PHF23: variants seen among roughly 807,000 people sequenced by gnomAD.
PHF23 encodes PDH-containing protein JUNE-1.
A neutral mutation model predicts 36.0 loss-of-function variants in PHF23; 3 were observed. That is an observed-to-expected ratio of 0.08 (90% confidence interval 0.04 to 0.22). The LOEUF is 0.22. PHF23 is among the 10% of genes least tolerant of loss of function. The pLI is 1.00. For missense variants in PHF23, 475 were observed against 513.6 expected, an observed-to-expected ratio of 0.92 and a Z score of 0.73; for synonymous variants, 242 against 192.5, an observed-to-expected ratio of 1.26 and a Z score of -2.13.
chr17:7,236,472 GT>G lies in PHF23; in HGVS notation c.454del (p.Thr152HisfsTer3). 1 of 1,613,924 alleles carries G rather than the reference GT, an allele frequency of 6.2e-7. No individual in the cohort carries two copies. Among genetic ancestry groups the G allele is most frequent in the Non-Finnish European group, 8.5e-7 (1 of 1,179,976 alleles). ...GPKVASPLSP[T>X]SLTHTSRPPA... ...GGGCCGGGAGGTATGTGTCAGGGAT[GT>G]GGGGGACAAAGGAGATGCCACTTTG... On this transcript the variant is annotated frameshift_variant, in exon 4 of 5. Transcript: ENST00000320316. LOFTEE classifies it high-confidence loss of function. The surrounding 1 kb of genome is among the most constrained non-coding windows in gnomAD (Gnocchi z 5.1).
At position 7,235,510 on chromosome 17, in the gene PHF23, A is replaced by G; in HGVS notation, c.*116T>C. ...CATTTTCAAACAAGTCTCCCTTGAG[A>G]ATTCCTGCCTTGAAGTGCAGACAGT... is the stretch of plus-strand genomic sequence containing the variant. On this transcript the variant is annotated 3_prime_UTR_variant, in exon 5 of 5. Transcript: ENST00000320316. The G allele has an allele frequency of 9.5e-7, 1 of 1,047,880 alleles. No individual in the cohort carries two copies. Among genetic ancestry groups the G allele is most frequent in the Non-Finnish European group, 1.4e-6 (1 of 703,404 alleles). The allele number at this position is 1,047,880 out of a possible 1,614,324, so 64.9% of individuals were successfully genotyped here. A position where few individuals can be genotyped will look rare whatever the true frequency, so the allele number is the denominator to read the frequency against.
At chr17:7,239,058 C>G in intron 1 of PHF23, 188 bp downstream of exon 1, 2 of 1,279,066 alleles carry the variant, frequency 1.6e-6, no homozygotes, top group Non-Finnish European at 2.1e-6. Context: ...TCCAACTACC[C>G]CAGCCCAGTT....
chr17:7,235,377 C>CA lies in PHF23; in HGVS notation c.*248dup. On this transcript the variant is annotated 3_prime_UTR_variant, in exon 5 of 5. Coordinates refer to ENST00000320316, the MANE Select transcript of PHF23 (RefSeq NM_024297.3). ...AAGTGATGGTGGCAGGTCCAAGAGA[C>CA]AGAGATTATGTGTCGGGACACAGAC... 5.7e-6 allele frequency: 3 copies of CA among 528,008 alleles called. No homozygotes were observed. The highest frequency in any genetic ancestry group is 6.7e-5 in the East Asian group (2 of 29,670). 32.7% of individuals were successfully genotyped at this position (528,008 alleles called of 1,614,324 possible). A position where few individuals can be genotyped will look rare whatever the true frequency, so the allele number is the denominator to read the frequency against.
rs1567580138 is a variant in PHF23, at chr17:7,235,839, A to G, written c.999T>C (p.Gly333=). ...VMDEDIMVES[G]DDSWDLITCY... ...ATGTGATCAGATCCCATGAGTCATC[A>G]CCTGGGGAAAAAAAGGTTTGTTTGG... The change falls in exon 5 of 5, where the codon GGT becomes GGC. Residue 333 remains glycine (G), a splice_region_variant and synonymous_variant. Coordinates refer to ENST00000320316, the MANE Select transcript of PHF23 (RefSeq NM_024297.3). 1 of 1,613,808 alleles carries G rather than the reference A, an allele frequency of 6.2e-7. No homozygotes were observed. Among genetic ancestry groups the G allele is most frequent in the Admixed American group, 1.7e-5 (1 of 60,018 alleles).
rs914461407 is a variant in PHF23 at position 7,237,884 on chromosome 17, C to A, written c.35-224G>T. The A allele has an allele frequency of 2.6e-5, 15 of 574,320 alleles. No homozygotes were observed. The African/African-American group carries it at 2.6e-4, about 10-fold the overall frequency. 35.6% of individuals were successfully genotyped at this position (574,320 alleles called of 1,614,324 possible). On this transcript the variant is annotated intron_variant, in intron 1 of 4. Coordinates refer to ENST00000320316, the MANE Select transcript of PHF23 (RefSeq NM_024297.3). ...GAGGCCTCGCTATAGCGCTCCCCTT[C>A]CCCCAACCGGAGGCCCGGCGCCCCG...
upstream of PHF23, chr17:7,240,499 A>G: frequency 1.1e-5 from 2 of 186,266 alleles, no homozygotes; most frequent in Non-Finnish European, 2.3e-5. Flanking sequence ...TACCCCCAAA[A>G]AAGAAGGTAG....
Position 7,239,308 on chromosome 17 carries a change from C to A in PHF23, c.-29G>T, listed in dbSNP as rs113580903. ...CCCCTCCCCTCCTCCCGGTCCGGCG[C>A]CCCCCTCCCCGGAGCCGGGGATCCC... is the stretch of plus-strand genomic sequence containing the variant. On this transcript the variant is annotated 5_prime_UTR_variant, in exon 1 of 5. Transcript: ENST00000320316. The A allele has an allele frequency of 8.0e-7, 1 of 1,247,748 alleles. No individual in the cohort carries two copies. Among genetic ancestry groups the A allele is most frequent in the South Asian group, 1.3e-5 (1 of 79,018 alleles). The allele number at this position is 1,247,748 out of a possible 1,614,324, so 77.3% of individuals were successfully genotyped here. A position where few individuals can be genotyped will look rare whatever the true frequency, so the allele number is the denominator to read the frequency against.
intron 1 of PHF23, chr17:7,238,634 C>T: frequency 5.8e-6 from 2 of 345,146 alleles, no homozygotes; most frequent in Non-Finnish European, 6.8e-6. Flanking sequence ...AGTCGCCGGT[C>T]TTAACCCCCC....
At chr17:7,239,520 C>CTCCTCT, upstream of PHF23, 1 of 408,604 alleles carries the variant, frequency 2.4e-6, no homozygotes, top group Non-Finnish European at 4.5e-6. Flanking sequence ...CCTCCTCCAC[C>CTCCTCT]TCCTCTCTCC....
rs2071747115 is a variant in PHF23, at chr17:7,239,348, T to C, written c.-69A>G. On this transcript the variant is annotated 5_prime_UTR_variant, in exon 1 of 5. Transcript: ENST00000320316. The stretch of plus-strand genomic sequence containing the variant: ...CCGGGGATCCCGGTGCCGCCTCTAG[T>C]GCTCGATGCTCCCACTGCTTCGCTC... The C allele has an allele frequency of 1.3e-6, 1 of 760,238 alleles. No homozygotes were observed. 47.1% of individuals were successfully genotyped at this position (760,238 alleles called of 1,614,324 possible).
At position 7,237,586 on chromosome 17, in the gene PHF23, G is replaced by A. The variant is rs2071695068; in HGVS notation, c.66+43C>T. 1.9e-6 allele frequency: 3 copies of A among 1,612,972 alleles called. No individual in the cohort carries two copies. In the East Asian group the frequency reaches 6.7e-5, roughly 36 times the overall value. ...CTAGAAAAGGGGGGCGGGGGGCGTT[G>A]TCAGGCAGGGCTACTAGGCTGCAAA... On this transcript the variant is annotated intron_variant, in intron 2 of 4. Transcript: ENST00000320316.
chr17:7,237,948 C>T, intron 1 of PHF23: 1 of 446,322 alleles, frequency 2.2e-6, no homozygotes, highest in Non-Finnish European at 4.1e-6. Context: ...CCAGTCTACT[C>T]GGATCCCTCA....
rs1298392639 is a variant in PHF23, at chr17:7,236,784, G to C, written c.160-17C>G. 1 of 1,596,158 alleles carries C rather than the reference G, an allele frequency of 6.3e-7. No individual in the cohort carries two copies. ...GTCACTTTCCTTAAAAGGGGGAAGAGACCAGGGTCAGCAGAACCCCAGTGT... is the reference window on the plus strand; with the variant it reads ...GTCACTTTCCTTAAAAGGGGGAAGACACCAGGGTCAGCAGAACCCCAGTGT... On this transcript the variant is annotated splice_polypyrimidine_tract_variant and intron_variant, in intron 3 of 4. Coordinates refer to ENST00000320316, the MANE Select transcript of PHF23 (RefSeq NM_024297.3). The surrounding 1 kb of genome is among the most constrained non-coding windows in gnomAD (Gnocchi z 5.1).
Position 7,235,551 on chromosome 17 carries a change from G to C in PHF23, c.*75C>G, listed in dbSNP as rs1307662632. 7 of 1,463,570 alleles carry C rather than the reference G, an allele frequency of 4.8e-6. No homozygotes were observed. The highest frequency in any genetic ancestry group is 6.6e-6 in the Non-Finnish European group (7 of 1,058,398). The allele number at this position is 1,463,570 out of a possible 1,614,324, so 90.7% of individuals were successfully genotyped here. A position where few individuals can be genotyped will look rare whatever the true frequency, so the allele number is the denominator to read the frequency against. On this transcript the variant is annotated 3_prime_UTR_variant, in exon 5 of 5. Transcript: ENST00000320316. ...TGCAGACAGTATCCAAGCTCCAGGG[G>C]ATAGGCTGAGGACCCTGAGGCTCAG...
Position 7,236,442 on chromosome 17 carries a change from G to A in PHF23, c.485C>T (p.Ala162Val), listed in dbSNP as rs759271103. ...GGAAAGGGGCACGGGGGTAAGAGCA[G>A]CAGGGGGCCGGGAGGTATGTGTCAG... ...TSLTHTSRPP[A>V]ALTPVPLSQG... The change falls in exon 4 of 5, where the codon GCT becomes GTT. Residue 162 changes from alanine (A) to valine (V), a missense_variant. By Grantham distance (64) the Ala-to-Val change is moderately conservative. Around this residue, in one of 5 missense-constraint regions of PHF23, gnomAD observed 350 missense variants for 319.8 expected, o/e 1.09. Coordinates refer to ENST00000320316, the MANE Select transcript of PHF23 (RefSeq NM_024297.3). The surrounding 1 kb of genome is among the most constrained non-coding windows in gnomAD (Gnocchi z 5.1). 3 of 1,613,630 alleles carry A rather than the reference G, an allele frequency of 1.9e-6. No individual in the cohort carries two copies. The South Asian group carries it at 3.3e-5, about 18-fold the overall frequency.
In PHF23 at chr17:7,236,587, A is replaced by G; in HGVS notation, c.340T>C (p.Ser114Pro). ...AGPTQPGPPR[S>P]TFSRLQAPDS... The stretch of plus-strand genomic sequence containing the variant: ...GGGGCCTGCAGACGAGAGAAAGTGG[A>G]CCTTGGGGGTCCTGGCTGGGTGGGA... The change falls in exon 4 of 5, where the codon TCC becomes CCC. Residue 114 changes from serine (S) to proline (P), a missense_variant. Ser to Pro is a moderately conservative substitution (Grantham distance 74). Around this residue, in one of 5 missense-constraint regions of PHF23, gnomAD observed 350 missense variants for 319.8 expected, o/e 1.09. Transcript: ENST00000320316. This position sits in a 1 kb window ranked among gnomAD's most constrained non-coding sequence, Gnocchi z 5.1. 3 of 1,614,084 alleles carry G rather than the reference A, an allele frequency of 1.9e-6. No homozygotes were observed. The highest frequency in any genetic ancestry group is 2.5e-6 in the Non-Finnish European group (3 of 1,180,008).
In PHF23 at chr17:7,239,263, G is replaced by T. The variant is rs928562773; in HGVS notation, c.17C>A (p.Ala6Glu). 7.8e-6 allele frequency: 12 copies of T among 1,537,466 alleles called. No homozygotes were observed. The highest frequency in any genetic ancestry group is 1.1e-5 in the Non-Finnish European group (12 of 1,122,418). The change falls in exon 1 of 5, where the codon GCG becomes GAG. Residue 6 changes from alanine (A) to glutamate (E), a missense_variant. By Grantham distance (107) the Ala-to-Glu change is moderately radical (BLOSUM62 -1). This residue lies in a region of PHF23 where 54 missense variants were observed against 42.0 expected (regional missense o/e 1.28). Transcript: ENST00000320316. ...GAGCTCACCTTCGGGACTGGGCTCCGCCATGGCTTCCAGCATCGCCCCCTC... is the reference window on the plus strand; with the variant it reads ...GAGCTCACCTTCGGGACTGGGCTCCTCCATGGCTTCCAGCATCGCCCCCTC... MLEAM[A>E]EPSPEDPPPT...
chr17:7,237,821 C>CCCCCCCTTCG (rs2071703026), intron 1 of PHF23, 161 bp from the exon 2 acceptor site: 1 of 797,928 alleles, frequency 1.3e-6, no homozygotes, highest in Non-Finnish European at 2.0e-6. Context: ...CTCCCCCTTC[C>CCCCCCCTTCG]GCCCCGCGAG....
intron 1 of PHF23, chr17:7,238,608 A>AAC: frequency 5.3e-6 from 2 of 376,968 alleles, no homozygotes; most frequent in Non-Finnish European, 5.9e-6. Context: ...GACCAACCCT[A>AAC]CCCCCCCGCC....
Sources: gnomAD v4.1 joint callset for allele counts on GRCh38, gnomAD v4.1.1 for gene constraint, gnomAD v4.1.1 regional missense constraint, Gnocchi (gnomAD v3.1) non-coding constraint, MANE v1.5 for transcripts, NCBI Gene and HGNC (gene_info 2026-07-23, HGNC 2026-07-21) for gene names.